The following AK6 variants were observed in gnomAD, a reference collection of about 807,000 sequenced individuals.
AK6 encodes adenylate kinase 6.
A neutral mutation model predicts 23.7 loss-of-function variants in AK6; 24 were observed. That is an observed-to-expected ratio of 1.01 (90% CI 0.73 to 1.43). The LOEUF is 1.43. Among genes scored for constraint, AK6 ranks in the 40% most tolerant of loss-of-function variants. The probability of loss-of-function intolerance (pLI) is 0.00; values close to 1 mark genes in which losing one functional copy is unlikely to be tolerated. For synonymous variants in AK6, 73 were observed against 69.8 expected, an observed-to-expected ratio of 1.05 and a Z score of -0.23; for missense variants, 191 against 199.1, an observed-to-expected ratio of 0.96 and a Z score of 0.24.
intron 1 of AK6, among the ~76,000 whole-genome samples, chr5:69,368,519 T>C (rs143351401): frequency 2.6e-5 from 4 of 152,284 alleles, no homozygotes; most frequent in Non-Finnish European, 5.9e-5. Flanking sequence ...TGCAAAAAGA[T>C]GTAAAATCTT....
At chr5:69,368,621 T>C (rs1762631311) in intron 1 of AK6, among the ~76,000 whole-genome samples, 1 of 152,146 alleles carries the variant, frequency 6.6e-6, no homozygotes, top group Non-Finnish European at 1.5e-5. Context: ...CTGCCAACAA[T>C]TTTACCTTTG....
chr5:69,366,824 T>C (rs561778534), intron 1 of AK6: 6 of 493,972 alleles, frequency 1.2e-5, no homozygotes, highest in Non-Finnish European at 1.8e-5. Flanking sequence ...AGTGGCACAA[T>C]CTTGGCTCAC....
chr5:69,364,218 T>TAC (rs1762325048), intron 2 of AK6, among the ~76,000 whole-genome samples: 1 of 150,018 alleles, frequency 6.7e-6, no homozygotes, highest in Non-Finnish European at 1.5e-5. Context: ...TTAAAAAAAA[T>TAC]ATATATATAT....
At position 69,352,057 on chromosome 5, in the gene AK6, T is replaced by A. The variant is rs776056182; in HGVS notation, c.*4A>T. The A allele has an allele frequency of 2.5e-6, 4 of 1,599,888 alleles. No individual in the cohort carries two copies. Among genetic ancestry groups the A allele is most frequent in the Non-Finnish European group, 1.7e-6 (2 of 1,174,326 alleles). ...AGTGATTATTAAGTAGCTAGCCTTA[T>A]AAGTCAAGAGTTATGATCTTTGATC... On this transcript the variant is annotated 3_prime_UTR_variant, in exon 5 of 5. Coordinates refer to ENST00000380822, the MANE Select transcript of AK6 (RefSeq NM_016283.5).
At chr5:69,367,525 TAGCCACCTCGA>T (rs1762500713) in intron 1 of AK6, among the ~76,000 whole-genome samples, 1 of 139,310 alleles carries the variant, frequency 7.2e-6, no homozygotes, top group East Asian at 2.2e-4. Flanking sequence ...AAAAAAAAAT[TAGCCACCTCGA>T]ATCAATTACA....
intron 2 of AK6, among the ~76,000 whole-genome samples, chr5:69,366,282 AC>A (rs1332144644): frequency 6.6e-6 from 1 of 152,206 alleles, no homozygotes; most frequent in Non-Finnish European, 1.5e-5. Context: ...CCAACTATTC[AC>A]AAGAATTGCC....
intron 4 of AK6, among the ~76,000 whole-genome samples, chr5:69,354,731 G>A (rs1206803667): frequency 6.6e-6 from 1 of 152,238 alleles, no homozygotes; most frequent in Non-Finnish European, 1.5e-5. Context: ...GATAATTTGA[G>A]TGAGTAGTGT....
At chr5:69,364,537 G>A (rs1430408222) in intron 2 of AK6, among the ~76,000 whole-genome samples, 1 of 152,144 alleles carries the variant, frequency 6.6e-6, no homozygotes, top group African/African-American at 2.4e-5. Context: ...TTATACTTCA[G>A]CAATCTGAGA....
At chr5:69,365,183 T>G (rs780454256) in intron 2 of AK6, 1 of 1,614,214 alleles carries the variant, frequency 6.2e-7, no homozygotes, top group South Asian at 1.1e-5. Flanking sequence ...CTGTAAACCT[T>G]TGACCTGTGA....
chr5:69,353,348 A>G (rs1761998172), intron 4 of AK6, among the ~76,000 whole-genome samples: 1 of 152,122 alleles, frequency 6.6e-6, no homozygotes. Flanking sequence ...CCCAGGCTGG[A>G]GTGCAGTGGT....
At chr5:69,361,046 C>T (rs368987533) in intron 2 of AK6, among the ~76,000 whole-genome samples, 13 of 152,046 alleles carry the variant, frequency 8.6e-5, no homozygotes, top group African/African-American at 3.1e-4. Context: ...ATTAAGGATG[C>T]TAGTAAGAGT....
At chr5:69,369,085 T>G in intron 1 of AK6, 1 of 330,268 alleles carries the variant, frequency 3.0e-6, no homozygotes, top group Non-Finnish European at 5.5e-6. Context: ...GGGAAGCAGA[T>G]ATGGCCTTAC....
At chr5:69,363,078 G>A (rs1422881030) in intron 2 of AK6, among the ~76,000 whole-genome samples, 1 of 152,046 alleles carries the variant, frequency 6.6e-6, no homozygotes, top group East Asian at 1.9e-4. Flanking sequence ...ATAATTTTAA[G>A]TTAGCCCGGC....
chr5:69,369,232 C>T, intron 1 of AK6: 1 of 105,476 alleles, frequency 9.5e-6, no homozygotes. Flanking sequence ...CTCCACCCCC[C>T]CCCGCCCCCC....
chr5:69,354,831 C>CT (rs1394150675), intron 4 of AK6, among the ~76,000 whole-genome samples: 2 of 151,764 alleles, frequency 1.3e-5, no homozygotes, highest in East Asian at 3.9e-4. Context: ...AATAGGGTTT[C>CT]TTTTTTTTGT....
chr5:69,354,078 C>T (rs560914281), intron 4 of AK6, among the ~76,000 whole-genome samples: 1 of 152,246 alleles, frequency 6.6e-6, no homozygotes, highest in African/African-American at 2.4e-5. Context: ...CTGCCTCCCC[C>T]TCACCACCCA....
intron 2 of AK6, among the ~76,000 whole-genome samples, chr5:69,356,966 C>T (rs1268772351): frequency 1.3e-5 from 2 of 152,234 alleles, no homozygotes; most frequent in East Asian, 1.9e-4. Context: ...GACATACCAT[C>T]TTACCCTTAG....
At position 69,369,463 on chromosome 5, in the gene AK6, C is replaced by T. The variant is rs768820633; in HGVS notation, c.28G>A (p.Gly10Ser). MLLPNILLT[G>S]TPGVGKTTLG... Reference sequence around the variant, plus strand: ...GTCCCTCCCGGCCGCGCGCCCTGACCGGTGAGCAGGATGTTCGGAAGCAAC... The same window carrying T: ...GTCCCTCCCGGCCGCGCGCCCTGACTGGTGAGCAGGATGTTCGGAAGCAAC... The change falls in exon 1 of 5, where the codon GGT becomes AGT. Residue 10 changes from glycine to serine, a missense_variant and splice_region_variant. Gly to Ser is a moderately conservative substitution (Grantham distance 56, BLOSUM62 0). Transcript: ENST00000380822. The T allele has an allele frequency of 6.2e-6, 10 of 1,610,644 alleles. No homozygotes were observed. The East Asian group carries it at 1.3e-4, about 22-fold the overall frequency.
intron 1 of AK6, among the ~76,000 whole-genome samples, chr5:69,367,511 A>G (rs1762499447): frequency 6.6e-6 from 1 of 151,742 alleles, no homozygotes; most frequent in African/African-American, 2.4e-5. Context: ...TCTCAAAAAA[A>G]AAAAAAAAAA....
Sources: allele counts gnomAD v4.1 joint callset (sites outside exome capture counted in the v4.1 genomes callset), GRCh38; gene constraint gnomAD v4.1.1; transcripts MANE v1.5; gene names NCBI Gene and HGNC (gene_info 2026-07-23, HGNC 2026-07-21).